Variants in NUP133 observed in about 807,000 individuals in gnomAD.
The protein encoded by NUP133 is nucleoporin 133.
In NUP133, 66 loss-of-function variants were observed where a neutral mutation model predicts 146.2. The ratio of observed to expected loss-of-function variants is 0.45; its 90% CI spans 0.37 to 0.55. The LOEUF (loss-of-function observed/expected upper bound fraction) is 0.55, where lower values mean the gene tolerates loss of function less well. Among genes scored for constraint, NUP133 ranks in the 20% least tolerant of loss-of-function variants. The probability of loss-of-function intolerance (pLI) is 0.00; values close to 1 mark genes in which losing one functional copy is unlikely to be tolerated. For missense variants in NUP133, 1,277 were observed against 1,374.8 expected (o/e 0.93, Z 1.12); for synonymous variants, 521 against 498.8 (o/e 1.04, Z -0.59).
Position 229,487,461 on chromosome 1 carries a change from T to C in NUP133, c.1342+5A>G, listed in dbSNP as rs1661384145. 1 of 1,612,108 alleles carries C rather than the reference T, an allele frequency of 6.2e-7. No individual in the cohort carries two copies. The highest frequency in any genetic ancestry group is 2.2e-5 in the East Asian group (1 of 44,820). On this transcript the variant is annotated splice_donor_5th_base_variant and intron_variant, in intron 10 of 25. Coordinates refer to ENST00000261396, the MANE Select transcript of NUP133 (RefSeq NM_018230.3). ...CAATCATGCTTTCTAAAACTGCTAC[T>C]GTACCTTGTGCATTAAAGACAATTT...
At chr1:229,443,058 C>T (rs1660219683) in intron 25 of NUP133, among the ~76,000 whole-genome samples, 1 of 151,940 alleles carries the variant, frequency 6.6e-6, no homozygotes, top group Non-Finnish European at 1.5e-5. Flanking sequence ...ACAGGGTCTC[C>T]ACTCTGTCAC....
At chr1:229,499,579 G>T in intron 5 of NUP133, 105 bp downstream of exon 5, 1 of 1,224,720 alleles carries the variant, frequency 8.2e-7, no homozygotes. Flanking sequence ...GAATTGCCTG[G>T]GCAACATAAG....
intron 8 of NUP133, among the ~76,000 whole-genome samples, chr1:229,490,905 C>G (rs377692726): frequency 6.7e-6 from 1 of 150,366 alleles, no homozygotes; most frequent in East Asian, 1.9e-4. Flanking sequence ...GAGCTGAGAT[C>G]GCACCACTGC....
At chr1:229,500,121 A>C (rs533049438) in intron 4 of NUP133, among the ~76,000 whole-genome samples, 41 of 152,322 alleles carry the variant, frequency 2.7e-4, no homozygotes, top group Non-Finnish European at 4.7e-4. Flanking sequence ...TCTGGATACA[A>C]GTCCTTTGCT....
Position 229,444,994 on chromosome 1 carries a change from C to T in NUP133, c.3254G>A (p.Ser1085Asn), listed in dbSNP as rs368541813. ...AATTGGATCATCTTTGCCATCAGAACTGGACCAGCTAGAAAACAAAATCAT... is the reference window on the plus strand; with the variant it reads ...AATTGGATCATCTTTGCCATCAGAATTGGACCAGCTAGAAAACAAAATCAT... Reference protein sequence around the residue: ...CKALQRDNWSSSDGKDDPIEV... With the variant: ...CKALQRDNWSNSDGKDDPIEV... Residue 1085 changes from serine to asparagine, a missense_variant, in exon 25 of 26, where the codon AGT becomes AAT. By Grantham distance (46) the Ser-to-Asn change is conservative. Around this residue, in one of 3 missense-constraint regions of NUP133, gnomAD observed 952 missense variants for 1,047.0 expected, o/e 0.91. Transcript: ENST00000261396. 1.5e-5 allele frequency: 24 copies of T among 1,608,664 alleles called. No homozygotes were observed. The East Asian group carries it at 4.9e-4, about 33-fold the overall frequency.
intron 8 of NUP133, among the ~76,000 whole-genome samples, chr1:229,494,597 T>C (rs1661605932): frequency 6.6e-6 from 1 of 152,220 alleles, no homozygotes; most frequent in Non-Finnish European, 1.5e-5. Context: ...CCTTGAGCAT[T>C]AAAGTTAAAT....
chr1:229,476,788 G>A (rs1021506027), intron 13 of NUP133, among the ~76,000 whole-genome samples: 3 of 152,044 alleles, frequency 2.0e-5, no homozygotes, highest in African/African-American at 7.3e-5. Flanking sequence ...GCTGGGCATG[G>A]TGGTGCACAC....
At chr1:229,474,922 G>T (rs915924524) in intron 14 of NUP133, among the ~76,000 whole-genome samples, 3 of 151,968 alleles carry the variant, frequency 2.0e-5, no homozygotes, top group African/African-American at 7.3e-5. Context: ...GGGCAACGTA[G>T]TAAGATTCTG....
At chr1:229,488,135 C>A (rs796430845) in intron 9 of NUP133, among the ~76,000 whole-genome samples, 1 of 152,018 alleles carries the variant, frequency 6.6e-6, no homozygotes, top group Non-Finnish European at 1.5e-5. Flanking sequence ...CGTGAGCCAC[C>A]GCACCTGGCC....
At chr1:229,473,397 A>G (rs189639257) in intron 14 of NUP133, among the ~76,000 whole-genome samples, 262 of 152,354 alleles carry the variant, frequency 1.7e-3, no homozygotes, top group African/African-American at 6.1e-3. Context: ...TGGGGTTTTC[A>G]GAACTAGCTA....
chr1:229,506,592 T>A (rs1036772940), intron 1 of NUP133, among the ~76,000 whole-genome samples: 3 of 151,926 alleles, frequency 2.0e-5, no homozygotes, highest in Non-Finnish European at 2.9e-5. Context: ...TTTAAGCTCA[T>A]CTAGCTTTAG....
At chr1:229,471,316 C>T (rs1162454371) in intron 14 of NUP133, among the ~76,000 whole-genome samples, 1 of 152,020 alleles carries the variant, frequency 6.6e-6, no homozygotes, top group Non-Finnish European at 1.5e-5. Context: ...ACTATGTTGC[C>T]CAGGCTGATC....
rs912915856 is a variant in NUP133 at position 229,459,264 on chromosome 1, C to T, written c.2845-968G>A. On this transcript the variant is annotated intron_variant, in intron 20 of 25. Coordinates refer to ENST00000261396, the MANE Select transcript of NUP133 (RefSeq NM_018230.3). ...CTGGCTGGGTGCAGTGGCTCATGCCCGTAATCCCAGAACGTTGGGAGGCTG... is the reference window on the plus strand; with the variant it reads ...CTGGCTGGGTGCAGTGGCTCATGCCTGTAATCCCAGAACGTTGGGAGGCTG... Among the ~76,000 whole-genome samples the T allele has an allele frequency of 3.9e-5, 6 of 152,010 alleles. No individual in the cohort carries two copies. The East Asian group carries it at 7.7e-4, about 20-fold the overall frequency.
At chr1:229,458,064 TC>T in intron 21 of NUP133, 96 bp downstream of exon 21, 1 of 1,283,538 alleles carries the variant, frequency 7.8e-7, no homozygotes, top group Non-Finnish European at 1.1e-6. Flanking sequence ...AGGTCCTGTT[TC>T]TAAGAGATAG....
intron 14 of NUP133, 115 bp downstream of exon 14, chr1:229,475,523 A>G: frequency 1.5e-6 from 1 of 681,102 alleles, no homozygotes; most frequent in South Asian, 2.0e-5. Flanking sequence ...GACAATGGAA[A>G]ACACCAGTCA....
Position 229,441,970 on chromosome 1 carries a change from C to T in NUP133, c.3405G>A (p.Lys1135=). ...LLQADQLGSL[K]SNPYFEFVLK... ...AAACAAACTCGAAGTAAGGATTGGA[C>T]TTTAAGCTTCCAAGCTGATCCGCTT... The change falls in exon 26 of 26, where the codon AAG becomes AAA. Residue 1135 remains lysine (K), a synonymous_variant. Coordinates refer to ENST00000261396, the MANE Select transcript of NUP133 (RefSeq NM_018230.3). 2 of 1,591,822 alleles carry T rather than the reference C, an allele frequency of 1.3e-6. No individual in the cohort carries two copies. The highest frequency in any genetic ancestry group is 1.7e-6 in the Non-Finnish European group (2 of 1,174,170).
At chr1:229,445,146 T>A (rs146043221) in intron 24 of NUP133, 144 bp from the exon 25 acceptor site, 9 of 631,220 alleles carry the variant, frequency 1.4e-5, no homozygotes, top group African/African-American at 9.1e-5. Flanking sequence ...ATCATTTAAA[T>A]AAAGGCACTT....
At chr1:229,499,059 C>A in intron 5 of NUP133, 2 of 413,012 alleles carry the variant, frequency 4.8e-6, no homozygotes, top group Non-Finnish European at 4.9e-6. Flanking sequence ...CCACTATGCC[C>A]AGATAATTTT....
At chr1:229,486,335 A>G in intron 11 of NUP133, 36 bp downstream of exon 11, 1 of 1,541,838 alleles carries the variant, frequency 6.5e-7, no homozygotes, top group Non-Finnish European at 8.7e-7. Flanking sequence ...AAAATAAATA[A>G]CATAAAAACT....
Sources: gnomAD v4.1 joint callset for allele counts (sites outside exome capture counted in the v4.1 genomes callset) on GRCh38, gnomAD v4.1.1 for gene constraint, gnomAD v4.1.1 regional missense constraint, MANE v1.5 for transcripts, NCBI Gene and HGNC (gene_info 2026-07-23, HGNC 2026-07-21) for gene names.